Variants in RYR2 observed in about 807,000 individuals in gnomAD.
The protein encoded by RYR2 is cardiac muscle ryanodine receptor-calcium release channel.
A neutral mutation model predicts 601.1 loss-of-function variants in RYR2; 227 were observed. The observed-to-expected ratio is 0.38, with a 90% confidence interval of 0.34 to 0.42. RYR2 has a LOEUF of 0.42. Among genes scored for constraint, RYR2 ranks in the 10% least tolerant of loss-of-function variants. RYR2 has a pLI of 1.00. For synonymous variants in RYR2, 2,223 were observed against 2,175.1 expected, an observed-to-expected ratio of 1.02 and a Z score of -0.61; for missense variants, 4,646 against 6,156.5, an observed-to-expected ratio of 0.75 and a Z score of 8.21.
chr1:237,818,940 G>T, intron 100 of RYR2, 96 bp from the exon 101 acceptor site: 1 of 1,081,216 alleles, frequency 9.2e-7, no homozygotes, highest in South Asian at 1.7e-5. Flanking sequence ...CTCATTTCCA[G>T]AGTGAGGATT....
intron 2 of RYR2, among the ~76,000 whole-genome samples, chr1:237,315,220 G>A (rs939805138): frequency 2.0e-5 from 3 of 152,038 alleles, no homozygotes; most frequent in South Asian, 2.1e-4. Flanking sequence ...GTATGTGAAC[G>A]AATTGGGTGT....
At chr1:237,264,699 A>ATTTTTT (rs71663222) in intron 1 of RYR2, among the ~76,000 whole-genome samples, 2 of 147,102 alleles carry the variant, frequency 1.4e-5, no homozygotes, top group Non-Finnish European at 3.0e-5. Flanking sequence ...TATTATTATT[A>ATTTTTT]TTTTTTTTTT....
chr1:237,129,687 A>C (rs992413478), intron 1 of RYR2, among the ~76,000 whole-genome samples: 1 of 149,682 alleles, frequency 6.7e-6, no homozygotes, highest in Non-Finnish European at 1.5e-5. Flanking sequence ...AGTATGATAT[A>C]GTATAACATA....
chr1:237,787,170 T>G (rs1283940108), intron 91 of RYR2, among the ~76,000 whole-genome samples: 1 of 139,682 alleles, frequency 7.2e-6, no homozygotes, highest in East Asian at 2.1e-4. Flanking sequence ...ATTCACTTTA[T>G]TTTATTTAAT....
chr1:237,371,394 C>T (rs1700629658), intron 6 of RYR2, among the ~76,000 whole-genome samples: 1 of 150,938 alleles, frequency 6.6e-6, no homozygotes, highest in Non-Finnish European at 1.5e-5. Flanking sequence ...CAGGCTGAAA[C>T]GATCCTCTCG....
intron 12 of RYR2, among the ~76,000 whole-genome samples, chr1:237,424,460 G>C (rs572958377): frequency 1.3e-5 from 2 of 152,168 alleles, no homozygotes; most frequent in African/African-American, 4.8e-5. Context: ...CCCATATTTT[G>C]TATGCTGGCC....
rs538921663 is a variant in RYR2, at chr1:237,545,760, A to T, written c.2907-2671A>T. ...GAGCTTTTTCTTGAAAAATAAAAAA[A>T]AAAAAAAATACTTTCCAGGCCAGGA... is the stretch of plus-strand genomic sequence containing the variant. On this transcript the variant is annotated intron_variant, in intron 25 of 104. Coordinates refer to ENST00000366574, the MANE Select transcript of RYR2 (RefSeq NM_001035.3). Among the ~76,000 whole-genome samples the T allele has an allele frequency of 3.9e-5, 6 of 152,090 alleles. No homozygotes were observed. The East Asian group carries it at 7.7e-4, about 20-fold the overall frequency.
chr1:237,510,091 AT>A (rs1446815379), intron 23 of RYR2, among the ~76,000 whole-genome samples: 1 of 152,200 alleles, frequency 6.6e-6, no homozygotes, highest in African/African-American at 2.4e-5. Flanking sequence ...TGACAGACTT[AT>A]GTCTGCTTTC....
At chr1:237,261,357 A>C (rs191365605) in intron 1 of RYR2, among the ~76,000 whole-genome samples, 4 of 152,200 alleles carry the variant, frequency 2.6e-5, no homozygotes, top group Non-Finnish European at 5.9e-5. Context: ...AAGGTCTTAC[A>C]CTGACATCAA....
At position 237,825,297 on chromosome 1, in the gene RYR2, G is replaced by A. The variant is rs576647659; in HGVS notation, c.14591-3084G>A. ...AGGCTACAGTAACAAAAAGAGTATG[G>A]TATTGGTATGAAAACAGATATATAG... On this transcript the variant is annotated intron_variant, in intron 101 of 104. Transcript: ENST00000366574. 2.6e-5 allele frequency among the ~76,000 whole-genome samples: 4 copies of A among 152,236 alleles called. No homozygotes were observed. The South Asian group carries it at 8.3e-4, about 32-fold the overall frequency.
Position 237,569,139 on chromosome 1 carries a change from G to A in RYR2, c.3424-6G>A. 6.2e-7 allele frequency: 1 copy of A among 1,612,532 alleles called. No individual in the cohort carries two copies. Among genetic ancestry groups the A allele is most frequent in the Non-Finnish European group, 8.5e-7 (1 of 1,178,878 alleles). ...GTGACAAGGGACTTTTCTGTCCTCTGTATAGGCCCAGCGGTGGCATCAGGG... is the reference window on the plus strand; with the variant it reads ...GTGACAAGGGACTTTTCTGTCCTCTATATAGGCCCAGCGGTGGCATCAGGG... On this transcript the variant is annotated splice_region_variant and splice_polypyrimidine_tract_variant and intron_variant, in intron 28 of 104. Transcript: ENST00000366574.
intron 2 of RYR2, among the ~76,000 whole-genome samples, chr1:237,301,516 A>G (rs947335847): frequency 6.6e-6 from 1 of 152,200 alleles, no homozygotes; most frequent in Non-Finnish European, 1.5e-5. Context: ...TCAAACAGTC[A>G]CGTAACCCCT....
chr1:237,570,871 G>A (rs1672612461), intron 29 of RYR2, among the ~76,000 whole-genome samples: 1 of 152,172 alleles, frequency 6.6e-6, no homozygotes, highest in South Asian at 2.1e-4. Context: ...ATTCATGCCT[G>A]TAATCCCAGC....
Position 237,456,686 on chromosome 1 carries a change from A to C in RYR2, c.1563A>C (p.Glu521Asp). The change falls in exon 16 of 105, where the codon GAA becomes GAC. Residue 521 changes from glutamate to aspartate, a missense_variant. Glu to Asp is a conservative substitution (Grantham distance 45). This residue lies in a region of RYR2 where 1,807 missense variants were observed against 2,088.1 expected (regional missense o/e 0.87). Transcript: ENST00000366574. The part of the protein sequence containing the change: ...AAHFADVAGR[E>D]AGESWKSILN... ...ACTTTGCTGATGTTGCTGGGCGAGAAGCAGGAGAGTCTTGGAAATCCATTC... is the reference window on the plus strand; with the variant it reads ...ACTTTGCTGATGTTGCTGGGCGAGACGCAGGAGAGTCTTGGAAATCCATTC... The C allele has an allele frequency of 6.2e-7, 1 of 1,613,736 alleles. No individual in the cohort carries two copies. Among genetic ancestry groups the C allele is most frequent in the South Asian group, 1.1e-5 (1 of 91,070 alleles).
intron 44 of RYR2, 94 bp downstream of exon 44, chr1:237,635,086 C>A: frequency 9.9e-7 from 1 of 1,006,952 alleles, no homozygotes; most frequent in South Asian, 2.4e-5. Flanking sequence ...GTGCAGAAGT[C>A]ATTGTGGTTT....
intron 25 of RYR2, among the ~76,000 whole-genome samples, chr1:237,539,457 A>G (rs1401301295): frequency 1.3e-5 from 2 of 152,216 alleles, no homozygotes; most frequent in African/African-American, 4.8e-5. Context: ...TATTTTAGAG[A>G]CATTTTGATA....
intron 68 of RYR2, among the ~76,000 whole-genome samples, chr1:237,708,279 G>T (rs917747148): frequency 1.3e-5 from 2 of 152,118 alleles, no homozygotes; most frequent in African/African-American, 4.8e-5. Flanking sequence ...GATTATGGTT[G>T]ACTTTAACTT....
At chr1:237,443,528 T>G (rs2150157033) in intron 13 of RYR2, among the ~76,000 whole-genome samples, 1 of 152,300 alleles carries the variant, frequency 6.6e-6, no homozygotes, top group South Asian at 2.1e-4. Context: ...ATTAAAGAGT[T>G]CTTAAATTCA....
At chr1:237,432,265 C>T (rs1706897757) in intron 12 of RYR2, among the ~76,000 whole-genome samples, 1 of 151,938 alleles carries the variant, frequency 6.6e-6, no homozygotes, top group Admixed American at 6.6e-5. Flanking sequence ...TTATTCAAGG[C>T]ATTTAATATA....
Sources: gnomAD v4.1 joint callset for allele counts (sites outside exome capture counted in the v4.1 genomes callset) on GRCh38, gnomAD v4.1.1 for gene constraint, gnomAD v4.1.1 regional missense constraint, MANE v1.5 for transcripts, NCBI Gene and HGNC (gene_info 2026-07-23, HGNC 2026-07-21) for gene names.